RXYLT1: variants seen among roughly 807,000 people sequenced by gnomAD.
RXYLT1 encodes ribitol-5-phosphate xylosyltransferase 1.
RXYLT1 carries 41 observed loss-of-function variants against 43.5 expected under a neutral mutation model. That is an observed-to-expected ratio of 0.94 (90% CI 0.73 to 1.22). The LOEUF (loss-of-function observed/expected upper bound fraction) is 1.22, where lower values mean the gene tolerates loss of function less well. RXYLT1 is among the 50% of genes most tolerant of loss of function. The pLI is 0.00. For missense variants in RXYLT1, 514 were observed against 532.0 expected (o/e 0.97, Z 0.33); for synonymous variants, 166 against 194.4 (o/e 0.85, Z 1.21).
rs1001127295 is a variant in RXYLT1 at position 63,806,165 on chromosome 12, G to T, written c.914+761G>T. ...TTGCTAATGTAACCATATCATATTC[G>T]TTCAGTCAGTGTTTACCAAGCAATT... On this transcript the variant is annotated intron_variant, in intron 5 of 5. Transcript: ENST00000261234. 5 of 152,078 alleles carry T rather than the reference G, an allele frequency of 3.3e-5. No homozygotes were observed. In the South Asian group the frequency reaches 1.0e-3, roughly 31 times the overall value. The allele number at this position is 152,078 out of a possible 1,614,324, so 9.4% of individuals were successfully genotyped here. A position where few individuals can be genotyped will look rare whatever the true frequency, so the allele number is the denominator to read the frequency against.
intron 3 of RXYLT1, among the ~76,000 whole-genome samples, chr12:63,795,075 C>T (rs1042062518): frequency 2.6e-5 from 4 of 151,922 alleles, no homozygotes; most frequent in Non-Finnish European, 5.9e-5. Context: ...GCAGGCAGAT[C>T]GTTTTGAGCT....
chr12:63,805,379 C>T lies in RXYLT1; in HGVS notation c.889C>T (p.Leu297Phe), dbSNP rs1165949965. The T allele has an allele frequency of 2.5e-6, 4 of 1,605,404 alleles. No homozygotes were observed. In the South Asian group the frequency reaches 3.4e-5, roughly 14 times the overall value. Residue 297 changes from leucine (L) to phenylalanine (F), a missense_variant, in exon 5 of 6, where the codon CTT becomes TTT. Physicochemically the swap from Leu to Phe is conservative, Grantham distance 22. Coordinates refer to ENST00000261234, the MANE Select transcript of RXYLT1 (RefSeq NM_014254.3). ...TTTGAAAAAAGATGGGAACGATAAG[C>T]TTTGTTGGGTTTCAGCAAGAGAACA... ...NILKKDGNDK[L>F]CWVSAREHWQ...
Position 63,780,119 on chromosome 12 carries a change from A to G in RXYLT1, c.159A>G (p.Arg53=), listed in dbSNP as rs754031838. 6.6e-7 allele frequency: 1 copy of G among 1,522,758 alleles called. No homozygotes were observed. The highest frequency in any genetic ancestry group is 2.5e-5 in the East Asian group (1 of 40,296). 94.3% of individuals were successfully genotyped at this position (1,522,758 alleles called of 1,614,324 possible). ...AGGGGGCGGCCCCCGCGCGGGAGAG[A>G]CGCGGCCGAGGTAGGACTGGGTCGG... ...LRKGAAPARE[R]RGREQSTLES... Residue 53 remains arginine, a synonymous_variant, in exon 1 of 6, where the codon AGA becomes AGG. Coordinates refer to ENST00000261234, the MANE Select transcript of RXYLT1 (RefSeq NM_014254.3).
chr12:63,780,868 C>A, intron 1 of RXYLT1, 151 bp from the exon 2 acceptor site: 1 of 612,324 alleles, frequency 1.6e-6, no homozygotes, highest in Admixed American at 4.3e-5. Context: ...TTTTTGTTTT[C>A]ATTGTGTATT....
chr12:63,781,225 T>C, intron 2 of RXYLT1, 51 bp downstream of exon 2: 2 of 1,364,582 alleles, frequency 1.5e-6, no homozygotes, highest in Non-Finnish European at 1.9e-6. Flanking sequence ...TAAAATGTAT[T>C]TTATTGATAT....
intron 3 of RXYLT1, among the ~76,000 whole-genome samples, chr12:63,787,882 A>G (rs941529355): frequency 6.6e-6 from 1 of 152,176 alleles, no homozygotes; most frequent in African/African-American, 2.4e-5. Flanking sequence ...CACCCGCTTC[A>G]GCCTCCCAAA....
chr12:63,800,189 T>C (rs906232386), intron 3 of RXYLT1, among the ~76,000 whole-genome samples: 1 of 152,214 alleles, frequency 6.6e-6, no homozygotes, highest in Non-Finnish European at 1.5e-5. Context: ...AGAACTTTGT[T>C]GAGAACTCGT....
rs575575793 is a variant in RXYLT1, at chr12:63,791,255, A to G, written c.428+6183A>G. Among the ~76,000 whole-genome samples the G allele has an allele frequency of 2.0e-5, 3 of 152,346 alleles. No individual in the cohort carries two copies. In the South Asian group the frequency reaches 6.2e-4, roughly 32 times the overall value. On this transcript the variant is annotated intron_variant, in intron 3 of 5. Transcript: ENST00000261234. The stretch of plus-strand genomic sequence containing the variant: ...CTTAAGAGGAACCTTGATTCTGCTC[A>G]TCGTGACTTTTGCTCATCCCCCAAA...
At chr12:63,802,014 A>C in intron 3 of RXYLT1, 77 bp from the exon 4 acceptor site, 2 of 1,327,654 alleles carry the variant, frequency 1.5e-6, no homozygotes, top group Non-Finnish European at 2.1e-6. Flanking sequence ...TTTTGTATAA[A>C]ATGATGAATT....
intron 3 of RXYLT1, among the ~76,000 whole-genome samples, chr12:63,801,371 T>A (rs1898155016): frequency 6.6e-6 from 1 of 152,206 alleles, no homozygotes; most frequent in Non-Finnish European, 1.5e-5. Flanking sequence ...TAATAGCAGC[T>A]CACACCATAA....
intron 2 of RXYLT1, among the ~76,000 whole-genome samples, chr12:63,782,000 G>A (rs1410415854): frequency 6.6e-6 from 1 of 152,124 alleles, no homozygotes. Flanking sequence ...CTGAAACCAG[G>A]CCTTCAATCA....
At chr12:63,794,100 C>T (rs1283912633) in intron 3 of RXYLT1, among the ~76,000 whole-genome samples, 3 of 152,152 alleles carry the variant, frequency 2.0e-5, no homozygotes, top group Non-Finnish European at 2.9e-5. Context: ...GATAACTTTT[C>T]GTGTTACTGG....
intron 5 of RXYLT1, chr12:63,807,608 A>C (rs181500382): frequency 6.6e-6 from 1 of 151,732 alleles, no homozygotes; most frequent in African/African-American, 2.4e-5. Context: ...CTTATTGCCC[A>C]GGCTGTAGTG....
At chr12:63,796,051 A>G (rs750330755) in intron 3 of RXYLT1, among the ~76,000 whole-genome samples, 4 of 152,116 alleles carry the variant, frequency 2.6e-5, no homozygotes, top group Admixed American at 6.5e-5. Flanking sequence ...CATTCCCACT[A>G]CTGTCCATTT....
At chr12:63,806,727 T>C (rs1898301053) in intron 5 of RXYLT1, 1 of 151,896 alleles carries the variant, frequency 6.6e-6, no homozygotes, top group Non-Finnish European at 1.5e-5. Flanking sequence ...CCCCTTTCCC[T>C]CCCTAATAAT....
chr12:63,780,207 C>T (rs552291750), intron 1 of RXYLT1, 78 bp downstream of exon 1: 9 of 1,393,414 alleles, frequency 6.5e-6, no homozygotes, highest in African/African-American at 3.1e-5. Context: ...CGGGTCCCCG[C>T]ACCCGGCTCT....
chr12:63,797,206 C>T (rs2136228765), intron 3 of RXYLT1, among the ~76,000 whole-genome samples: 1 of 152,144 alleles, frequency 6.6e-6, no homozygotes, highest in Admixed American at 6.5e-5. Context: ...TCAGGTGATC[C>T]ACCTGCCTCA....
chr12:63,783,911 G>A (rs534091588), intron 2 of RXYLT1, among the ~76,000 whole-genome samples: 4 of 151,986 alleles, frequency 2.6e-5, no homozygotes, highest in South Asian at 4.2e-4. Flanking sequence ...AGTTTCTAGC[G>A]GCTACCCGTA....
intron 3 of RXYLT1, 68 bp downstream of exon 3, chr12:63,785,140 C>T: frequency 9.5e-7 from 1 of 1,049,310 alleles, no homozygotes; most frequent in Non-Finnish European, 1.4e-6. Context: ...TCTGTAAATA[C>T]TAAAAGAAAA....
Sources: allele counts gnomAD v4.1 joint callset (sites outside exome capture counted in the v4.1 genomes callset), GRCh38; gene constraint gnomAD v4.1.1; transcripts MANE v1.5; gene names NCBI Gene and HGNC (gene_info 2026-07-23, HGNC 2026-07-21).